The following HIVEP3 variants were observed in gnomAD, a reference collection of about 807,000 sequenced individuals.
HIVEP3 encodes HIVEP zinc finger 3.
A neutral mutation model predicts 152.8 loss-of-function variants in HIVEP3; 49 were observed. That is an observed-to-expected ratio of 0.32 (90% CI 0.26 to 0.41). The LOEUF (loss-of-function observed/expected upper bound fraction) is 0.41, where lower values mean the gene tolerates loss of function less well. HIVEP3 is among the 10% of genes least tolerant of loss of function. The pLI is 1.00. For missense variants in HIVEP3, 2,790 were observed against 3,103.3 expected, an observed-to-expected ratio of 0.90 and a Z score of 2.40; for synonymous variants, 1,269 against 1,289.0, an observed-to-expected ratio of 0.98 and a Z score of 0.33.
Position 41,698,445 on chromosome 1 carries a change from C to A in HIVEP3, c.-721+2471G>T, listed in dbSNP as rs1328260468. Among the ~76,000 whole-genome samples, 3 of 152,308 alleles carry A rather than the reference C, an allele frequency of 2.0e-5. No individual in the cohort carries two copies. In the East Asian group the frequency reaches 5.8e-4, roughly 29 times the overall value. ...TTCCAGTCGAGAAAAGTCTTAGAGG[C>A]ATTAGAGGTTGTCTATCTGGCCTTA... On this transcript the variant is annotated intron_variant, in intron 2 of 8. Coordinates refer to ENST00000372583, the MANE Select transcript of HIVEP3 (RefSeq NM_024503.5).
chr1:41,618,649 A>G (rs915693413), intron 3 of HIVEP3, among the ~76,000 whole-genome samples: 1 of 151,772 alleles, frequency 6.6e-6, no homozygotes, highest in African/African-American at 2.4e-5. Context: ...TCACTTGTTC[A>G]AAGCCTTCCC....
chr1:41,751,817 A>G (rs2124225331), intron 1 of HIVEP3, among the ~76,000 whole-genome samples: 1 of 152,302 alleles, frequency 6.6e-6, no homozygotes, highest in Non-Finnish European at 1.5e-5. Context: ...GTGAATCCAC[A>G]CAAAAGCATC....
chr1:41,524,266 C>T (rs1473487891), intron 6 of HIVEP3, among the ~76,000 whole-genome samples: 2 of 151,986 alleles, frequency 1.3e-5, no homozygotes, highest in African/African-American at 4.8e-5. Context: ...TGGAGGTCGG[C>T]GCGCTCTGGC....
intron 1 of HIVEP3, among the ~76,000 whole-genome samples, chr1:41,765,798 C>G (rs1459246613): frequency 6.6e-6 from 1 of 152,134 alleles, no homozygotes; most frequent in Non-Finnish European, 1.5e-5. Flanking sequence ...ACTTTCCCCC[C>G]ACCTGTTTGA....
intron 1 of HIVEP3, among the ~76,000 whole-genome samples, chr1:41,705,262 C>T (rs751758628): frequency 6.6e-6 from 1 of 152,226 alleles, no homozygotes; most frequent in Non-Finnish European, 1.5e-5. Context: ...TCTCTACGCT[C>T]TCATCTCCCC....
Position 41,511,201 on chromosome 1 carries a change from G to C in HIVEP3, c.6471C>G (p.Pro2157=). ...CGTGGAAGTCATGGAGGGCGGAGAA[G>C]GGTCGGGAGGAGAGAGGATGAGCAG... ...PGPAHPLSSR[P]FSALHDFHGH... is the part of the protein sequence containing the mutation. Residue 2157 remains proline (P), a synonymous_variant, in exon 9 of 9, where the codon CCC becomes CCG. Transcript: ENST00000372583. This position sits in a 1 kb window ranked among gnomAD's most constrained non-coding sequence, Gnocchi z 4.9. The C allele has an allele frequency of 6.2e-7, 1 of 1,614,022 alleles. No homozygotes were observed. The highest frequency in any genetic ancestry group is 8.5e-7 in the Non-Finnish European group (1 of 1,179,990).
intron 2 of HIVEP3, among the ~76,000 whole-genome samples, chr1:41,681,089 G>GGTGTGTGTGTGT (rs35572259): frequency 1.3e-5 from 2 of 148,244 alleles, no homozygotes; most frequent in African/African-American, 2.5e-5. Context: ...GCTAAGAACT[G>GGTGTGTGTGTGT]GTGTGTGTGT....
intron 1 of HIVEP3, among the ~76,000 whole-genome samples, chr1:42,001,988 G>C (rs943287303): frequency 3.9e-5 from 6 of 152,004 alleles, no homozygotes; most frequent in Admixed American, 2.6e-4. Flanking sequence ...CAATGCCCCT[G>C]CCTGTAATCA....
chr1:42,004,999 G>A (rs1645450261), intron 1 of HIVEP3, among the ~76,000 whole-genome samples: 1 of 152,140 alleles, frequency 6.6e-6, no homozygotes, highest in Non-Finnish European at 1.5e-5. Flanking sequence ...TGTTTCAGAG[G>A]GGACAGGAAA....
chr1:41,517,343 C>T (rs1274331778), intron 7 of HIVEP3, among the ~76,000 whole-genome samples: 1 of 152,206 alleles, frequency 6.6e-6, no homozygotes, highest in African/African-American at 2.4e-5. Context: ...CTCAATGAGA[C>T]AACATGTGCA....
chr1:41,667,144 T>G (rs761806400), intron 2 of HIVEP3, among the ~76,000 whole-genome samples: 8 of 152,218 alleles, frequency 5.3e-5, no homozygotes, highest in Non-Finnish European at 7.3e-5. Context: ...TGAGAGTCAT[T>G]TCTTCATGTG....
At chr1:41,642,678 C>T (rs1057165519) in intron 2 of HIVEP3, among the ~76,000 whole-genome samples, 1 of 152,212 alleles carries the variant, frequency 6.6e-6, no homozygotes, top group Non-Finnish European at 1.5e-5. Context: ...ACTCACAGAG[C>T]CTTGAACATA....
chr1:41,716,911 G>A (rs1307450832), intron 1 of HIVEP3, among the ~76,000 whole-genome samples: 2 of 152,356 alleles, frequency 1.3e-5, no homozygotes, highest in East Asian at 3.9e-4. Context: ...TCCCCTGGCT[G>A]TCTGAGTGCC....
chr1:41,584,454 T>G lies in HIVEP3; in HGVS notation c.344A>C (p.Glu115Ala). 1 of 1,614,118 alleles carries G rather than the reference T, an allele frequency of 6.2e-7. No individual in the cohort carries two copies. The highest frequency in any genetic ancestry group is 8.5e-7 in the Non-Finnish European group (1 of 1,180,006). Residue 115 changes from glutamate to alanine, a missense_variant, in exon 4 of 9, where the codon GAG becomes GCG. Coordinates refer to ENST00000372583, the MANE Select transcript of HIVEP3 (RefSeq NM_024503.5). The surrounding 1 kb of genome is among the most constrained non-coding windows in gnomAD (Gnocchi z 5.2). ...GTCAACCAGTTGCCATGTGGACCCC[T>G]CCAGGAGATGCTCAGGTTTGCCAGG... ...MSPGKPEHLLEGSTWQLVDPM... is the reference protein window; with the variant it reads ...MSPGKPEHLLAGSTWQLVDPM...
intron 1 of HIVEP3, among the ~76,000 whole-genome samples, chr1:41,753,688 AATAAATAAAT>A (rs1647205380): frequency 6.6e-6 from 1 of 150,860 alleles, no homozygotes; most frequent in African/African-American, 2.4e-5. Context: ...TAAATAAATA[AATAAATAAAT>A]AAATAAATAA....
chr1:41,635,489 TAC>T (rs56335707), intron 2 of HIVEP3, among the ~76,000 whole-genome samples: 2 of 147,362 alleles, frequency 1.4e-5, no homozygotes, highest in Non-Finnish European at 1.5e-5. Flanking sequence ...TATATATATA[TAC>T]ACACACATAT....
In HIVEP3 at chr1:41,713,025, G is replaced by A. The variant is rs748514995; in HGVS notation, c.-800-12030C>T. Among the ~76,000 whole-genome samples, 12 of 151,688 alleles carry A rather than the reference G, an allele frequency of 7.9e-5. No homozygotes were observed. In the South Asian group the frequency reaches 1.2e-3, roughly 16 times the overall value. On this transcript the variant is annotated intron_variant, in intron 1 of 8. Transcript: ENST00000372583. ...CGTGGTCCTTCCACTTCTGAGATGT[G>A]TGACCTTGACAAGTTCAGCAGAGCA...
intron 1 of HIVEP3, among the ~76,000 whole-genome samples, chr1:41,861,776 T>C (rs561377208): frequency 6.6e-5 from 10 of 152,196 alleles, no homozygotes; most frequent in African/African-American, 2.2e-4. Context: ...CAGGGAGCAG[T>C]TGGAGACTTG....
At chr1:41,732,562 G>A (rs1246495397) in intron 1 of HIVEP3, among the ~76,000 whole-genome samples, 2 of 152,024 alleles carry the variant, frequency 1.3e-5, no homozygotes, top group East Asian at 1.9e-4. Context: ...GGGGTGGGGG[G>A]TGACAAAGGC....
Sources: gnomAD v4.1 joint callset for allele counts (sites outside exome capture counted in the v4.1 genomes callset) on GRCh38, gnomAD v4.1.1 for gene constraint, Gnocchi (gnomAD v3.1) non-coding constraint, MANE v1.5 for transcripts, NCBI Gene and HGNC (gene_info 2026-07-23, HGNC 2026-07-21) for gene names.